ARHGAP45: variants seen among roughly 807,000 people sequenced by gnomAD.
ARHGAP45 encodes the protein rho GTPase-activating protein 45.
In ARHGAP45, 56 loss-of-function variants were observed where a neutral mutation model predicts 116.1. The observed-to-expected ratio is 0.48, with a 90% CI of 0.39 to 0.60. The LOEUF (loss-of-function observed/expected upper bound fraction) is 0.60, where lower values mean the gene tolerates loss of function less well. Ranked by LOEUF, ARHGAP45 falls within the 20% of genes least tolerant of loss-of-function variation. The pLI, the probability that ARHGAP45 is intolerant of heterozygous loss-of-function variation, is 0.00. For synonymous variants in ARHGAP45, 866 were observed against 701.7 expected (o/e 1.23, Z -3.70); for missense variants, 1,622 against 1,601.0 (o/e 1.01, Z -0.22).
intron 19 of ARHGAP45, among the ~76,000 whole-genome samples, chr19:1,082,292 G>GGGGCTC: frequency 6.9e-6 from 1 of 144,052 alleles, no homozygotes; most frequent in Admixed American, 6.9e-5. Flanking sequence ...GGCCGGGGCC[G>GGGGCTC]GGGCTCGGTG....
At position 1,073,712 on chromosome 19, in the gene ARHGAP45, C is replaced by T. The variant is rs888856892; in HGVS notation, c.689C>T (p.Thr230Ile). 10 of 1,601,876 alleles carry T rather than the reference C, an allele frequency of 6.2e-6. No homozygotes were observed. In the Admixed American group the frequency reaches 8.6e-5, roughly 14 times the overall value. ...CTCATGGGTGAAGTGGACAGCAGCACCCTCCTAGCAGTGCCTCCTGGGGAC... is the reference window on the plus strand; with the variant it reads ...CTCATGGGTGAAGTGGACAGCAGCATCCTCCTAGCAGTGCCTCCTGGGGAC... ...EFLMGEVDSS[T>I]LLAVPPGDSS... is the part of the protein sequence containing the mutation. Residue 230 changes from threonine (T) to isoleucine (I), a missense_variant, in exon 5 of 23, where the codon ACC (threonine) becomes ATC (isoleucine). This residue lies in a region of ARHGAP45 where 9 missense variants were observed against 25.3 expected (regional missense o/e 0.36). Transcript: ENST00000313093.
Position 1,068,222 on chromosome 19 carries a change from C to T in ARHGAP45, c.91-192C>T. ...GCAAGGACCGTTGTTTGTGAAAGCTCTAGGGAAGAGGATGTTGGGTAACAG... is the reference window on the plus strand; with the variant it reads ...GCAAGGACCGTTGTTTGTGAAAGCTTTAGGGAAGAGGATGTTGGGTAACAG... On this transcript the variant is annotated intron_variant, in intron 1 of 22. Coordinates refer to ENST00000313093, the MANE Select transcript of ARHGAP45 (RefSeq NM_012292.5). The surrounding 1 kb of genome is among the most constrained non-coding windows in gnomAD (Gnocchi z 7.5). The T allele has an allele frequency of 1.7e-6, 1 of 581,358 alleles. No homozygotes were observed. The highest frequency in any genetic ancestry group is 3.0e-6 in the Non-Finnish European group (1 of 337,830). The allele number at this position is 581,358 out of a possible 1,614,324, so 36.0% of individuals were successfully genotyped here.
At chr19:1,077,060 T>G in intron 10 of ARHGAP45, 1 of 984,968 alleles carries the variant, frequency 1.0e-6, no homozygotes, top group Non-Finnish European at 1.2e-6. Context: ...TCCGTTTGTT[T>G]GTGTGCGAAT....
At chr19:1,082,028 T>TG in intron 19 of ARHGAP45, 67 bp downstream of exon 19, 1 of 1,118,160 alleles carries the variant, frequency 8.9e-7, no homozygotes, top group South Asian at 1.7e-5. Flanking sequence ...GGAGGCGGGG[T>TG]GGGGGTCCGG....
chr19:1,077,091 G>A, intron 10 of ARHGAP45: 2 of 985,356 alleles, frequency 2.0e-6, no homozygotes, highest in Non-Finnish European at 2.4e-6. Flanking sequence ...AGGTTGTGAG[G>A]TGTGGCCCCC....
intron 19 of ARHGAP45, chr19:1,082,532 C>A (rs968290586): frequency 9.1e-6 from 4 of 440,008 alleles, no homozygotes; most frequent in Admixed American, 4.1e-5. Context: ...GTGGGACCAG[C>A]ACTTCGCAGG....
chr19:1,081,683 C>T lies in ARHGAP45; in HGVS notation c.2324C>T (p.Pro775Leu). 6.3e-7 allele frequency: 1 copy of T among 1,589,816 alleles called. No individual in the cohort carries two copies. The highest frequency in any genetic ancestry group is 8.6e-7 in the Non-Finnish European group (1 of 1,168,848). ...HAARSAPDGV[P>L]FIVKKCVCEI... ...GCCCGCAGCGCCCCCGACGGCGTGCCCTTCATCGTCAAGAAGTGCGTCTGC... is the reference window on the plus strand; with the variant it reads ...GCCCGCAGCGCCCCCGACGGCGTGCTCTTCATCGTCAAGAAGTGCGTCTGC... The change falls in exon 18 of 23, where the codon CCC becomes CTC. Residue 775 changes from proline to leucine, a missense_variant. Around this residue, in one of 3 missense-constraint regions of ARHGAP45, gnomAD observed 1,334 missense variants for 1,263.8 expected, o/e 1.06. Coordinates refer to ENST00000313093, the MANE Select transcript of ARHGAP45 (RefSeq NM_012292.5).
rs553375246 is a variant in ARHGAP45 at position 1,080,112 on chromosome 19, A to G, written c.1697A>G (p.Asn566Ser). 1.9e-6 allele frequency: 3 copies of G among 1,611,614 alleles called. No homozygotes were observed. Among genetic ancestry groups the G allele is most frequent in the East Asian group, 4.5e-5 (2 of 44,840 alleles). The change falls in exon 13 of 23, where the codon AAC becomes AGC. Residue 566 changes from asparagine (N) to serine (S), a missense_variant. Physicochemically the swap from Asn to Ser is conservative, Grantham distance 46. Transcript: ENST00000313093. ...GACTTTGAGCCCCACGTCTCCGCCA[A>G]CGCCTGGTACCGCCACCCAGCTGCC... ...HYDFEPHVSA[N>S]AWSPVMRARK...
chr19:1,081,746 G>C lies in ARHGAP45; in HGVS notation c.2379+8G>C. Reference sequence around the variant, plus strand: ...CGGGCGCTGCGCACCAAGGTGAGGCGGGGGAGGAAGCGGCTCACAGCGAGG... The same window carrying C: ...CGGGCGCTGCGCACCAAGGTGAGGCCGGGGAGGAAGCGGCTCACAGCGAGG... On this transcript the variant is annotated splice_region_variant and intron_variant, in intron 18 of 22. Coordinates refer to ENST00000313093, the MANE Select transcript of ARHGAP45 (RefSeq NM_012292.5). 2 of 1,559,708 alleles carry C rather than the reference G, an allele frequency of 1.3e-6. No individual in the cohort carries two copies. Among genetic ancestry groups the C allele is most frequent in the South Asian group, 1.2e-5 (1 of 86,714 alleles).
At chr19:1,074,037 G>A in intron 6 of ARHGAP45, 23 bp downstream of exon 6, 1 of 1,600,012 alleles carries the variant, frequency 6.2e-7, no homozygotes, top group Non-Finnish European at 8.5e-7. Context: ...CCAGCGGCAG[G>A]CAGGCATTTG....
rs34571690 is a variant in ARHGAP45 at position 1,077,374 on chromosome 19, C to CTTTT, written c.1186-466_1186-463dup. ...CCTGTTACGGGTGCCTCCTCCCGTT[C>CTTTT]TTTTTTTTTTTTTTTTTTTTGAGCT... On this transcript the variant is annotated intron_variant, in intron 10 of 22. Coordinates refer to ENST00000313093, the MANE Select transcript of ARHGAP45 (RefSeq NM_012292.5). 9.2e-5 allele frequency: 85 copies of CTTTT among 920,784 alleles called. 4 individuals carry two copies. Among genetic ancestry groups the CTTTT allele is most frequent in the Admixed American group, 1.5e-4 (2 of 13,042 alleles). 57.0% of individuals were successfully genotyped at this position (920,784 alleles called of 1,614,324 possible).
Position 1,085,868 on chromosome 19 carries a change from C to T in ARHGAP45, c.3273C>T (p.Asp1091=), listed in dbSNP as rs756452845. Residue 1091 remains aspartate (D), a synonymous_variant, in exon 23 of 23, where the codon GAC becomes GAT. Coordinates refer to ENST00000313093, the MANE Select transcript of ARHGAP45 (RefSeq NM_012292.5). ...GGGAGGACGGGGACGGGGACGAGGA[C>T]GGCCCGGCCCAGCAGCTCTCAGGAT... ...TAREDGDGDE[D]GPAQQLSGFN... 5.5e-5 allele frequency: 88 copies of T among 1,612,886 alleles called. 1 individual carries two copies. Among genetic ancestry groups the T allele is most frequent in the Middle Eastern group, 1.6e-4 (1 of 6,062 alleles).
At position 1,080,444 on chromosome 19, in the gene ARHGAP45, A is replaced by G; in HGVS notation, c.1829-20A>G. The stretch of plus-strand genomic sequence containing the variant: ...CTGCGACCCACCCTGGCCCTTCACC[A>G]GAGACGCCTCTTTCTCCAGCCGGGC... On this transcript the variant is annotated intron_variant, in intron 14 of 22. Transcript: ENST00000313093. The G allele has an allele frequency of 6.2e-7, 1 of 1,612,304 alleles. No individual in the cohort carries two copies.
At chr19:1,085,437 G>A (rs960120326) in intron 22 of ARHGAP45, among the ~76,000 whole-genome samples, 5 of 150,296 alleles carry the variant, frequency 3.3e-5, no homozygotes, top group Admixed American at 6.7e-5. Flanking sequence ...CTCTCCTTCC[G>A]TTTCTCCCCT....
chr19:1,078,705 G>A (rs1678422717), intron 11 of ARHGAP45, among the ~76,000 whole-genome samples: 3 of 149,056 alleles, frequency 2.0e-5, no homozygotes, highest in Non-Finnish European at 4.5e-5. Flanking sequence ...CACCGCGCCC[G>A]GCCCCGATTT....
chr19:1,084,573 A>G (rs10426888), intron 22 of ARHGAP45, among the ~76,000 whole-genome samples: 19,741 of 152,264 alleles, frequency 0.13, 1,538 homozygotes, highest in African/African-American at 0.22. Flanking sequence ...CCCCGCACTC[A>G]GAAACCAGTA....
chr19:1,066,141 G>C (rs2043026374), upstream of ARHGAP45: 1 of 1,535,546 alleles, frequency 6.5e-7, no homozygotes, highest in African/African-American at 1.4e-5. Flanking sequence ...CTGTGCCCCA[G>C]AGATCTGCCC....
intron 17 of ARHGAP45, chr19:1,081,269 G>A: frequency 1.5e-6 from 1 of 662,688 alleles, no homozygotes; most frequent in Non-Finnish European, 2.5e-6. Flanking sequence ...GAGGCAGGGG[G>A]CAGACCTGGA....
chr19:1,077,813 C>G (rs750642485), intron 10 of ARHGAP45, 44 bp from the exon 11 acceptor site: 3 of 1,550,656 alleles, frequency 1.9e-6, no homozygotes, highest in Non-Finnish European at 2.6e-6. Flanking sequence ...GAGTCCCATC[C>G]GAGGATAGGG....
Sources: allele counts gnomAD v4.1 joint callset (sites outside exome capture counted in the v4.1 genomes callset), GRCh38; gene constraint gnomAD v4.1.1; regional missense constraint gnomAD v4.1.1; non-coding constraint Gnocchi (gnomAD v3.1); transcripts MANE v1.5; gene names NCBI Gene and HGNC (gene_info 2026-07-23, HGNC 2026-07-21).